Variants in FMO3 observed in about 807,000 individuals in gnomAD.
FMO3 encodes flavin containing dimethylaniline monoxygenase 3.
A neutral mutation model predicts 39.4 loss-of-function variants in FMO3; 40 were observed. That is an observed-to-expected ratio of 1.02 (90% CI 0.79 to 1.32). FMO3 has a LOEUF of 1.32. FMO3 is among the 40% of genes most tolerant of loss of function. FMO3 has a pLI of 0.00. For missense variants in FMO3, 680 were observed against 651.8 expected (o/e 1.04, Z -0.47); for synonymous variants, 219 against 228.8 (o/e 0.96, Z 0.39).
chr1:171,101,783 C>T (rs1460974163), intron 2 of FMO3: 2 of 509,422 alleles, frequency 3.9e-6, no homozygotes, highest in African/African-American at 1.9e-5. Flanking sequence ...TCTGAATAGG[C>T]CACGGATCTG....
intron 2 of FMO3, among the ~76,000 whole-genome samples, chr1:171,094,535 A>G (rs1654862453): frequency 6.6e-6 from 1 of 152,090 alleles, no homozygotes; most frequent in African/African-American, 2.4e-5. Context: ...TAGGTAAAAG[A>G]GTTTTACCTA....
intron 4 of FMO3, 77 bp downstream of exon 4, chr1:171,107,914 A>G (rs1372599517): frequency 1.3e-6 from 2 of 1,490,010 alleles, no homozygotes; most frequent in Non-Finnish European, 9.4e-7. Flanking sequence ...TTTTTCTAAA[A>G]GTATAAGCAG....
chr1:171,107,634 C>T, intron 3 of FMO3, 41 bp from the exon 4 acceptor site: 1 of 1,567,292 alleles, frequency 6.4e-7, no homozygotes, highest in Non-Finnish European at 8.8e-7. Context: ...AAACCATTTG[C>T]TAGCATAGAA....
intron 5 of FMO3, 45 bp from the exon 6 acceptor site, chr1:171,110,753 C>T: frequency 6.4e-7 from 1 of 1,573,174 alleles, no homozygotes; most frequent in Middle Eastern, 1.7e-4. Flanking sequence ...AGAATATCCA[C>T]TACAAATGGT....
intron 2 of FMO3, among the ~76,000 whole-genome samples, chr1:171,095,770 T>G (rs1354825631): frequency 1.6e-5 from 2 of 123,298 alleles, no homozygotes; most frequent in Non-Finnish European, 3.3e-5. Context: ...ATATTTAATA[T>G]ATATTTATAT....
intron 5 of FMO3, among the ~76,000 whole-genome samples, chr1:171,109,966 C>T (rs1655834529): frequency 6.6e-6 from 1 of 152,078 alleles, no homozygotes; most frequent in South Asian, 2.1e-4. Flanking sequence ...ATTAGCATAA[C>T]AGAAGGGGAA....
intron 2 of FMO3, among the ~76,000 whole-genome samples, chr1:171,095,758 A>G (rs1654928946): frequency 8.1e-6 from 1 of 123,302 alleles, no homozygotes; most frequent in Admixed American, 9.9e-5. Context: ...TAATATAAAT[A>G]TATATTTAAT....
chr1:171,096,659 T>G (rs1354883806), intron 2 of FMO3, among the ~76,000 whole-genome samples: 5 of 91,654 alleles, frequency 5.5e-5, no homozygotes, highest in Admixed American at 4.1e-4. Flanking sequence ...TATTTTATAT[T>G]TAAAATATAT....
rs1654670925 is a variant in FMO3, at chr1:171,090,913, C to G, written c.-75C>G. On this transcript the variant is annotated 5_prime_UTR_variant, in exon 1 of 9. Coordinates refer to ENST00000367755, the MANE Select transcript of FMO3 (RefSeq NM_001002294.3). ...AGAACATTTTCTCTTTCAAACTGCC[C>G]AGACGGTTGGACAGGACGTAGACAC... 1 of 152,124 alleles carries G rather than the reference C, an allele frequency of 6.6e-6. No homozygotes were observed. The allele number at this position is 152,124 out of a possible 1,614,324, so 9.4% of individuals were successfully genotyped here. A position where few individuals can be genotyped will look rare whatever the true frequency, so the allele number is the denominator to read the frequency against.
At chr1:171,113,676 A>C (rs1322377924) in intron 6 of FMO3, among the ~76,000 whole-genome samples, 1 of 152,242 alleles carries the variant, frequency 6.6e-6, no homozygotes, top group Non-Finnish European at 1.5e-5. Flanking sequence ...AACTTTAAAA[A>C]TGTAAACACC....
chr1:171,109,496 C>CTATT (rs542081702), intron 5 of FMO3, among the ~76,000 whole-genome samples: 152 of 129,144 alleles, frequency 1.2e-3, no homozygotes, highest in Middle Eastern at 4.5e-3. Flanking sequence ...ATTTCAGAGG[C>CTATT]TATTTAATTA....
chr1:171,093,827 CTTT>C (rs1228257104), intron 2 of FMO3, among the ~76,000 whole-genome samples: 36 of 75,304 alleles, frequency 4.8e-4, no homozygotes, highest in African/African-American at 1.8e-3. Flanking sequence ...TCACTAATAT[CTTT>C]TTTTTTTTTT....
At chr1:171,095,386 C>G (rs1343851237) in intron 2 of FMO3, among the ~76,000 whole-genome samples, 2 of 152,126 alleles carry the variant, frequency 1.3e-5, no homozygotes, top group East Asian at 3.9e-4. Flanking sequence ...TGTTGCCAAA[C>G]AGCAGCAGGA....
chr1:171,110,109 T>G (rs1192274960), intron 5 of FMO3, among the ~76,000 whole-genome samples: 1 of 152,188 alleles, frequency 6.6e-6, no homozygotes, highest in East Asian at 1.9e-4. Flanking sequence ...ATTTTAGGAA[T>G]GAGGGAACAA....
intron 2 of FMO3, among the ~76,000 whole-genome samples, chr1:171,101,403 G>A (rs547038353): frequency 2.3e-4 from 35 of 152,270 alleles, no homozygotes; most frequent in African/African-American, 7.0e-4. Flanking sequence ...TGCAAATGAT[G>A]GAGCAAACAG....
chr1:171,107,881 T>C (rs547386923), intron 4 of FMO3, 44 bp downstream of exon 4: 3 of 1,571,006 alleles, frequency 1.9e-6, no homozygotes, highest in East Asian at 4.5e-5. Flanking sequence ...CTGACAAAAA[T>C]GAATATCTTG....
chr1:171,092,593 A>G (rs777415798), intron 1 of FMO3, 60 bp from the exon 2 acceptor site: 25 of 1,585,798 alleles, frequency 1.6e-5, no homozygotes, highest in Non-Finnish European at 2.2e-5. Context: ...AAATAGATAA[A>G]TAAGTAAATA....
rs753735397 is a variant in FMO3, at chr1:171,104,021, CT to C, written c.321+49del. 1.7e-5 allele frequency: 22 copies of C among 1,306,380 alleles called. No homozygotes were observed. The African/African-American group carries it at 3.0e-4, about 18-fold the overall frequency. 80.9% of individuals were successfully genotyped at this position (1,306,380 alleles called of 1,614,324 possible). A position where few individuals can be genotyped will look rare whatever the true frequency, so the allele number is the denominator to read the frequency against. On this transcript the variant is annotated intron_variant, in intron 3 of 8. Transcript: ENST00000367755. The stretch of plus-strand genomic sequence containing the variant: ...GCTCTTGTCATAATGCTGAAGAAGT[CT>C]ATGTCTACTACTGGATTCTCATTTG...
chr1:171,104,965 A>G (rs143637584), intron 3 of FMO3, among the ~76,000 whole-genome samples: 1 of 152,290 alleles, frequency 6.6e-6, no homozygotes, highest in Non-Finnish European at 1.5e-5. Flanking sequence ...GAAGGAAAGG[A>G]TAGACAAAAT....
Sources: gnomAD v4.1 joint callset for allele counts (sites outside exome capture counted in the v4.1 genomes callset) on GRCh38, gnomAD v4.1.1 for gene constraint, MANE v1.5 for transcripts, NCBI Gene and HGNC (gene_info 2026-07-23, HGNC 2026-07-21) for gene names.